FAM53B: variants seen among roughly 807,000 people sequenced by gnomAD.
FAM53B encodes the protein protein FAM53B.
In FAM53B, 12 loss-of-function variants were observed where a neutral mutation model predicts 32.7. The ratio of observed to expected loss-of-function variants is 0.37; its 90% CI spans 0.24 to 0.59. The LOEUF (loss-of-function observed/expected upper bound fraction) is 0.59. Ranked by LOEUF, FAM53B falls within the 20% of genes least tolerant of loss-of-function variation. The pLI, the probability that FAM53B is intolerant of heterozygous loss-of-function variation, is 0.72. For synonymous variants in FAM53B, 234 were observed against 228.7 expected, an observed-to-expected ratio of 1.02 and a Z score of -0.21; for missense variants, 477 against 577.7, an observed-to-expected ratio of 0.83 and a Z score of 1.79.
intron 1 of FAM53B, 86 bp downstream of exon 1, chr10:124,743,927 C>T (rs1034288201): frequency 2.0e-5 from 3 of 150,576 alleles, no homozygotes; most frequent in South Asian, 2.0e-4. Flanking sequence ...TCCCTCCAGC[C>T]AGCGGCCGGG....
chr10:124,671,433 CTTTTCAGA>C (rs1389342947), intron 4 of FAM53B, among the ~76,000 whole-genome samples: 1 of 152,246 alleles, frequency 6.6e-6, no homozygotes, highest in Non-Finnish European at 1.5e-5. Context: ...CTCTTCTTGG[CTTTTCAGA>C]TTTTCAGAAA....
intron 3 of FAM53B, among the ~76,000 whole-genome samples, chr10:124,687,715 G>A (rs1949811060): frequency 6.6e-6 from 1 of 152,178 alleles, no homozygotes; most frequent in South Asian, 2.1e-4. Flanking sequence ...CAGGTTTCTA[G>A]ACCCCGTCTC....
At chr10:124,643,550 G>C (rs1029598487) in intron 4 of FAM53B, among the ~76,000 whole-genome samples, 1 of 152,238 alleles carries the variant, frequency 6.6e-6, no homozygotes, top group Non-Finnish European at 1.5e-5. Context: ...AGGGCCAGCG[G>C]GGGGGTGCAG....
At chr10:124,633,972 G>C (rs754282345) in intron 4 of FAM53B, among the ~76,000 whole-genome samples, 9 of 152,240 alleles carry the variant, frequency 5.9e-5, no homozygotes, top group Admixed American at 1.3e-4. Flanking sequence ...TGGTAGGAAT[G>C]TAAGATGGTA....
intron 4 of FAM53B, among the ~76,000 whole-genome samples, chr10:124,625,157 G>A (rs1949338364): frequency 1.3e-5 from 2 of 152,194 alleles, no homozygotes; most frequent in Admixed American, 1.3e-4. Context: ...CAGCCAACAA[G>A]CTGTTGAACC....
chr10:124,667,254 G>A (rs1160015795), intron 4 of FAM53B: 5 of 594,086 alleles, frequency 8.4e-6, no homozygotes, highest in Non-Finnish European at 1.5e-5. Context: ...GAAATACTGG[G>A]TTAAATATAC....
intron 1 of FAM53B, among the ~76,000 whole-genome samples, chr10:124,707,521 T>C (rs1025402005): frequency 2.0e-5 from 3 of 152,210 alleles, no homozygotes; most frequent in African/African-American, 7.2e-5. Flanking sequence ...GTGGATCACC[T>C]GAGGTCAGGA....
At chr10:124,707,788 C>T (rs533393813) in intron 1 of FAM53B, 9 of 152,344 alleles carry the variant, frequency 5.9e-5, no homozygotes, top group African/African-American at 2.2e-4. Flanking sequence ...TTGGAAGTGC[C>T]ACATTTCAAC....
intron 1 of FAM53B, among the ~76,000 whole-genome samples, chr10:124,735,323 C>T (rs1950167079): frequency 1.3e-5 from 2 of 152,158 alleles, no homozygotes; most frequent in African/African-American, 4.8e-5. Flanking sequence ...CCCATACATG[C>T]ATTTAACGTT....
chr10:124,654,998 G>A (rs975858799), intron 4 of FAM53B, among the ~76,000 whole-genome samples: 1 of 152,188 alleles, frequency 6.6e-6, no homozygotes, highest in African/African-American at 2.4e-5. Context: ...CCCAAAGCGT[G>A]CCCAGGTTAC....
Position 124,730,397 on chromosome 10 carries a change from G to T in FAM53B, c.-175+13616C>A, listed in dbSNP as rs1950135091. 2.0e-5 allele frequency among the ~76,000 whole-genome samples: 3 copies of T among 152,232 alleles called. No individual in the cohort carries two copies. The South Asian group carries it at 6.2e-4, about 32-fold the overall frequency. On this transcript the variant is annotated intron_variant, in intron 1 of 4. Transcript: ENST00000337318. ...AGGGGCATGGTGGGGGCCTGCCAATGGTCATAGGATTTAGGGACAGCCTCT... is the reference window on the plus strand; with the variant it reads ...AGGGGCATGGTGGGGGCCTGCCAATTGTCATAGGATTTAGGGACAGCCTCT...
intron 4 of FAM53B, among the ~76,000 whole-genome samples, chr10:124,670,238 C>A (rs1489712494): frequency 6.6e-6 from 1 of 152,340 alleles, no homozygotes; most frequent in Non-Finnish European, 1.5e-5. Flanking sequence ...GGGGCCCTGC[C>A]TAAGCATCTC....
intron 1 of FAM53B, among the ~76,000 whole-genome samples, chr10:124,716,972 C>T (rs916186172): frequency 6.6e-6 from 1 of 152,058 alleles, no homozygotes; most frequent in African/African-American, 2.4e-5. Flanking sequence ...GTTCTTCAGT[C>T]GGACCTATTT....
chr10:124,740,907 G>A (rs549034384), intron 1 of FAM53B, among the ~76,000 whole-genome samples: 88 of 152,320 alleles, frequency 5.8e-4, no homozygotes, highest in African/African-American at 1.9e-3. Flanking sequence ...GCCAGCTCCG[G>A]CCATGTGCTT....
At chr10:124,648,385 G>A (rs1243217740) in intron 4 of FAM53B, among the ~76,000 whole-genome samples, 1 of 152,262 alleles carries the variant, frequency 6.6e-6, no homozygotes, top group East Asian at 1.9e-4. Flanking sequence ...GGAAGGTCTG[G>A]GAAGCTGGGG....
intron 4 of FAM53B, among the ~76,000 whole-genome samples, chr10:124,624,302 G>A (rs1949331496): frequency 6.6e-6 from 1 of 152,214 alleles, no homozygotes; most frequent in African/African-American, 2.4e-5. Flanking sequence ...GTGTGTAACA[G>A]AGCCATGCAG....
chr10:124,706,792 C>T lies in FAM53B; in HGVS notation c.-79G>A. ...ACTTGGGCAGACTTGGGGTGAGTAC[C>T]TCCTGGGGAATTGATGTCAGCAGAA... On this transcript the variant is annotated 5_prime_UTR_variant, in exon 2 of 5. Coordinates refer to ENST00000337318, the MANE Select transcript of FAM53B (RefSeq NM_014661.4). 1 of 1,603,516 alleles carries T rather than the reference C, an allele frequency of 6.2e-7. No individual in the cohort carries two copies. Among genetic ancestry groups the T allele is most frequent in the Non-Finnish European group, 8.5e-7 (1 of 1,173,858 alleles).
chr10:124,655,848 C>A (rs1167324068), intron 4 of FAM53B, among the ~76,000 whole-genome samples: 1 of 152,204 alleles, frequency 6.6e-6, no homozygotes, highest in Non-Finnish European at 1.5e-5. Flanking sequence ...ATCTGCTTTG[C>A]TCTTAATATT....
chr10:124,705,039 C>A (rs936386197), intron 2 of FAM53B, among the ~76,000 whole-genome samples: 1 of 152,228 alleles, frequency 6.6e-6, no homozygotes, highest in African/African-American at 2.4e-5. Flanking sequence ...CGAGCAAACA[C>A]ACCTCAGGTG....
Sources: gnomAD v4.1 joint callset for allele counts (sites outside exome capture counted in the v4.1 genomes callset) on GRCh38, gnomAD v4.1.1 for gene constraint, MANE v1.5 for transcripts, NCBI Gene and HGNC (gene_info 2026-07-23, HGNC 2026-07-21) for gene names.